ANKRD52: variants seen among roughly 807,000 people sequenced by gnomAD.
ANKRD52 encodes ankyrin repeat domain 52.
In ANKRD52, 7 loss-of-function variants were observed where a neutral mutation model predicts 116.0. The ratio of observed to expected loss-of-function variants is 0.06; its 90% CI spans 0.03 to 0.11. ANKRD52 has a LOEUF of 0.11. ANKRD52 is among the 10% of genes least tolerant of loss of function. The pLI is 1.00. For missense variants in ANKRD52, 839 were observed against 1,408.6 expected (o/e 0.60, Z 6.47); for synonymous variants, 528 against 578.1 (o/e 0.91, Z 1.24).
Position 56,242,028 on chromosome 12 carries a change from C to T in ANKRD52, c.*1114G>A, listed in dbSNP as rs911945225. 31 of 398,460 alleles carry T rather than the reference C, an allele frequency of 7.8e-5. No homozygotes were observed. The highest frequency in any genetic ancestry group is 1.2e-4 in the Non-Finnish European group (27 of 226,078). 24.7% of individuals were successfully genotyped at this position (398,460 alleles called of 1,614,324 possible). A position where few individuals can be genotyped will look rare whatever the true frequency, so the allele number is the denominator to read the frequency against. The stretch of plus-strand genomic sequence containing the variant: ...TAGCCACGGTCCCTTGTCGGCCCTG[C>T]CCCTCCTACCATCTTTGGCTTCAGA... On this transcript the variant is annotated 3_prime_UTR_variant, in exon 28 of 28. Coordinates refer to ENST00000267116, the MANE Select transcript of ANKRD52 (RefSeq NM_173595.4). The surrounding 1 kb of genome is among the most constrained non-coding windows in gnomAD (Gnocchi z 4.3).
At chr12:56,247,820 G>T in intron 18 of ANKRD52, 46 bp from the exon 19 acceptor site, 1 of 1,575,302 alleles carries the variant, frequency 6.3e-7, no homozygotes, top group South Asian at 1.1e-5. Context: ...GGAGGAAGAA[G>T]GGAGGCAAGG....
At chr12:56,245,645 C>T (rs1304206902) in intron 20 of ANKRD52, 49 bp from the exon 21 acceptor site, 2 of 1,562,602 alleles carry the variant, frequency 1.3e-6, no homozygotes, top group Admixed American at 1.8e-5. Context: ...CCTCCTTTTC[C>T]ACTGGCCTGT....
rs569763305 is a variant in ANKRD52 at position 56,238,158 on chromosome 12, C to T, written c.*4984G>A. 12 of 168,908 alleles carry T rather than the reference C, an allele frequency of 7.1e-5. No individual in the cohort carries two copies. The highest frequency in any genetic ancestry group is 5.9e-4 in the South Asian group (3 of 5,074). 10.5% of individuals were successfully genotyped at this position (168,908 alleles called of 1,614,324 possible). A position where few individuals can be genotyped will look rare whatever the true frequency, so the allele number is the denominator to read the frequency against. On this transcript the variant is annotated 3_prime_UTR_variant, in exon 28 of 28. Transcript: ENST00000267116. ...ACTAGCACCACAGGTGGTTCCGGGG[C>T]AGGGAGAGGCAGGAATGGGAAAATT...
chr12:56,247,354 A>G (rs899485120), intron 20 of ANKRD52, 139 bp downstream of exon 20: 31 of 741,578 alleles, frequency 4.2e-5, no homozygotes, highest in African/African-American at 1.8e-5. Flanking sequence ...CTCAAAAAAA[A>G]AAAAAAAAAA....
Position 56,258,353 on chromosome 12 carries a change from G to A in ANKRD52, c.-84C>T. On this transcript the variant is annotated 5_prime_UTR_variant, in exon 1 of 28. Transcript: ENST00000267116. ...GGGGACACGGAGCGGCCCAGGCGGC[G>A]GCTGCGGTGGCGGCTGCAGGGAGAG... 7.3e-7 allele frequency: 1 copy of A among 1,364,996 alleles called. No homozygotes were observed. The highest frequency in any genetic ancestry group is 3.1e-5 in the East Asian group (1 of 32,094). The allele number at this position is 1,364,996 out of a possible 1,614,324, so 84.6% of individuals were successfully genotyped here. A position where few individuals can be genotyped will look rare whatever the true frequency, so the allele number is the denominator to read the frequency against.
intron 15 of ANKRD52, among the ~76,000 whole-genome samples, chr12:56,250,450 C>T (rs957125053): frequency 3.3e-5 from 5 of 150,562 alleles, no homozygotes; most frequent in Non-Finnish European, 7.4e-5. Context: ...GATCATAGTG[C>T]ACTACAGCCT....
rs780406389 is a variant in ANKRD52, at chr12:56,253,960, C to T, written c.906+107G>A. 1.3e-4 allele frequency: 179 copies of T among 1,377,484 alleles called. No individual in the cohort carries two copies. The highest frequency in any genetic ancestry group is 1.7e-4 in the Non-Finnish European group (168 of 994,402). The allele number at this position is 1,377,484 out of a possible 1,614,324, so 85.3% of individuals were successfully genotyped here. Reference sequence around the variant, plus strand: ...TGAGTCCCTGGCAAGGTCTGATTACCCTAGGAAGCAAGTGGATAATTCCCC... The same window carrying T: ...TGAGTCCCTGGCAAGGTCTGATTACTCTAGGAAGCAAGTGGATAATTCCCC... On this transcript the variant is annotated intron_variant, in intron 8 of 27. Transcript: ENST00000267116. The surrounding 1 kb of genome is among the most constrained non-coding windows in gnomAD (Gnocchi z 5.5).
intron 4 of ANKRD52, 99 bp downstream of exon 4, chr12:56,256,911 TAGAAC>T: frequency 7.9e-7 from 1 of 1,270,760 alleles, no homozygotes; most frequent in Admixed American, 2.7e-5. Flanking sequence ...CTACCTGGGG[TAGAAC>T]AGCTTGTAGG....
chr12:56,247,768 G>C lies in ANKRD52; in HGVS notation c.1985C>G (p.Ser662Cys). 1 of 1,611,698 alleles carries C rather than the reference G, an allele frequency of 6.2e-7. No homozygotes were observed. Among genetic ancestry groups the C allele is most frequent in the South Asian group, 1.1e-5 (1 of 90,548 alleles). Residue 662 changes from serine (S) to cysteine (C), a missense_variant, in exon 19 of 28, where the codon TCT (serine) becomes TGT (cysteine). Ser to Cys is a moderately radical substitution (Grantham distance 112). Around this residue, in one of 2 missense-constraint regions of ANKRD52, gnomAD observed 552 missense variants for 810.6 expected, o/e 0.68. Transcript: ENST00000267116. ...KWTPLHAAAA[S>C]GHTDSLHLLI... ...CAAGTGCAGGGAGTCAGTGTGGCCA[G>C]AGGCAGCTAGGGGAAAGGGACCCCG...
chr12:56,253,251 T>C lies in ANKRD52; in HGVS notation c.1100+37A>G, dbSNP rs1267931853. 1.9e-6 allele frequency: 3 copies of C among 1,579,810 alleles called. No individual in the cohort carries two copies. Among genetic ancestry groups the C allele is most frequent in the Non-Finnish European group, 2.6e-6 (3 of 1,151,784 alleles). On this transcript the variant is annotated intron_variant, in intron 10 of 27. Transcript: ENST00000267116. The surrounding 1 kb of genome is among the most constrained non-coding windows in gnomAD (Gnocchi z 5.5). ...TTGATGTGAGCAGTCTGTGCAGATC[T>C]GGGCAGCCCAGAAGTGGAGTCGGGG...
Position 56,258,327 on chromosome 12 carries a change from C to G in ANKRD52, c.-58G>C. 2.0e-6 allele frequency: 3 copies of G among 1,497,308 alleles called. No individual in the cohort carries two copies. The highest frequency in any genetic ancestry group is 2.7e-6 in the Non-Finnish European group (3 of 1,122,592). 92.8% of individuals were successfully genotyped at this position (1,497,308 alleles called of 1,614,324 possible). On this transcript the variant is annotated 5_prime_UTR_variant, in exon 1 of 28. Transcript: ENST00000267116. ...CCGGCGGCGGCGGCGGCGGCTCCAC[C>G]GGGGACACGGAGCGGCCCAGGCGGC... is the stretch of plus-strand genomic sequence containing the variant.
chr12:56,258,160 G>A (rs1872056473), intron 1 of ANKRD52, 83 bp downstream of exon 1: 2 of 1,552,834 alleles, frequency 1.3e-6, no homozygotes. Context: ...CTCAGGCCCA[G>A]CCTAGGCCGC....
At position 56,254,414 on chromosome 12, in the gene ANKRD52, C is replaced by G. The variant is rs1039927130; in HGVS notation, c.694-135G>C. The G allele has an allele frequency of 2.8e-6, 4 of 1,429,864 alleles. No homozygotes were observed. Among genetic ancestry groups the G allele is most frequent in the Non-Finnish European group, 2.9e-6 (3 of 1,051,426 alleles). 88.6% of individuals were successfully genotyped at this position (1,429,864 alleles called of 1,614,324 possible). A position where few individuals can be genotyped will look rare whatever the true frequency, so the allele number is the denominator to read the frequency against. ...GTTTATGACCCAAGGTACTAAGGTA[C>G]TAAGGGCACTATGGCTAAGGTAAGC... On this transcript the variant is annotated intron_variant, in intron 7 of 27. Coordinates refer to ENST00000267116, the MANE Select transcript of ANKRD52 (RefSeq NM_173595.4). The surrounding 1 kb of genome is among the most constrained non-coding windows in gnomAD (Gnocchi z 4.6).
At chr12:56,247,412 T>C (rs949417188) in intron 20 of ANKRD52, 81 bp downstream of exon 20, 26 of 1,156,776 alleles carry the variant, frequency 2.2e-5, no homozygotes, top group Non-Finnish European at 2.8e-5. Context: ...TCCTAGACAA[T>C]TGGATTCCCT....
At chr12:56,258,008 G>C (rs1872048910) in intron 1 of ANKRD52, 97 bp from the exon 2 acceptor site, 29 of 1,318,876 alleles carry the variant, frequency 2.2e-5, no homozygotes, top group Non-Finnish European at 3.0e-5. Context: ...AGTGGGGGGC[G>C]TCCGTGGAGG....
chr12:56,244,963 T>C lies in ANKRD52; in HGVS notation c.2519A>G (p.Glu840Gly). The change falls in exon 23 of 28, where the codon GAG becomes GGG. Residue 840 changes from glutamate to glycine, a missense_variant. Glu to Gly is a moderately conservative substitution (Grantham distance 98). Coordinates refer to ENST00000267116, the MANE Select transcript of ANKRD52 (RefSeq NM_173595.4). The surrounding 1 kb of genome is among the most constrained non-coding windows in gnomAD (Gnocchi z 4.9). ...GGCACCCAGAGCTCCCAGTAGCATC[T>C]CTGTGGTGCTGTCTTGGTTATTAAT... ...AVINNQDSTT[E>G]MLLGALGAKI... 6.2e-7 allele frequency: 1 copy of C among 1,613,842 alleles called. No homozygotes were observed. The highest frequency in any genetic ancestry group is 8.5e-7 in the Non-Finnish European group (1 of 1,179,858).
chr12:56,243,244 G>A lies in ANKRD52; in HGVS notation c.3129C>T (p.Ala1043=), dbSNP rs1871245884. Reference sequence around the variant, plus strand: ...GGGCGCCGCAGCCACCCACCGTCTTGGCGGCTGCAATGCTGCAGTTCTTGA... The same window carrying A: ...GGGCGCCGCAGCCACCCACCGTCTTAGCGGCTGCAATGCTGCAGTTCTTGA... The part of the protein sequence containing the change: ...SLLKNCSIAA[A]KTVGGCGALP... The change falls in exon 28 of 28, where the codon GCC becomes GCT. Residue 1043 remains alanine (A), a synonymous_variant. Coordinates refer to ENST00000267116, the MANE Select transcript of ANKRD52 (RefSeq NM_173595.4). This position sits in a 1 kb window ranked among gnomAD's most constrained non-coding sequence, Gnocchi z 4.6. 1.9e-6 allele frequency: 3 copies of A among 1,613,768 alleles called. No individual in the cohort carries two copies. Among genetic ancestry groups the A allele is most frequent in the Non-Finnish European group, 8.5e-7 (1 of 1,179,862 alleles).
rs894891066 is a variant in ANKRD52 at position 56,248,985 on chromosome 12, G to A, written c.1593-115C>T. The A allele has an allele frequency of 1.4e-5, 9 of 662,732 alleles. No individual in the cohort carries two copies. The highest frequency in any genetic ancestry group is 2.0e-5 in the Non-Finnish European group (8 of 391,328). The allele number at this position is 662,732 out of a possible 1,614,324, so 41.1% of individuals were successfully genotyped here. On this transcript the variant is annotated intron_variant, in intron 15 of 27. Coordinates refer to ENST00000267116, the MANE Select transcript of ANKRD52 (RefSeq NM_173595.4). The surrounding 1 kb of genome is among the most constrained non-coding windows in gnomAD (Gnocchi z 5.1). ...CTCCAGGCCTACCTGGCCGCCACCC[G>A]TCCTCAGCTCTAGGTAGGTTCTCTA...
chr12:56,247,410 A>G, intron 20 of ANKRD52, 83 bp downstream of exon 20: 1 of 1,175,086 alleles, frequency 8.5e-7, no homozygotes, highest in East Asian at 2.6e-5. Context: ...CCTCCTAGAC[A>G]ATTGGATTCC....
Sources: gnomAD v4.1 joint callset for allele counts (sites outside exome capture counted in the v4.1 genomes callset) on GRCh38, gnomAD v4.1.1 for gene constraint, gnomAD v4.1.1 regional missense constraint, Gnocchi (gnomAD v3.1) non-coding constraint, MANE v1.5 for transcripts, NCBI Gene and HGNC (gene_info 2026-07-23, HGNC 2026-07-21) for gene names.